Variants in CHN2 observed in about 807,000 individuals in gnomAD.
The protein encoded by CHN2 is chimerin 2, also known as beta-chimaerin.
In CHN2, 35 loss-of-function variants were observed where a neutral mutation model predicts 56.3. The observed-to-expected ratio is 0.62, with a 90% CI of 0.47 to 0.82. CHN2 has a LOEUF of 0.82. Among genes scored for constraint, CHN2 ranks in the 40% least tolerant of loss-of-function variants. The pLI is 0.00. For missense variants in CHN2, 491 were observed against 580.5 expected (o/e 0.85, Z 1.58); for synonymous variants, 210 against 212.8 (o/e 0.99, Z 0.12).
intron 4 of CHN2, chr7:29,398,067 G>C (rs968443185): frequency 4.4e-6 from 1 of 228,216 alleles, no homozygotes; most frequent in South Asian, 1.3e-4. Flanking sequence ...AAGGGGGGGG[G>C]GGGGCGGTGG....
chr7:29,342,736 T>A (rs1443522237), intron 1 of CHN2, among the ~76,000 whole-genome samples: 2 of 152,186 alleles, frequency 1.3e-5, no homozygotes, highest in Non-Finnish European at 2.9e-5. Context: ...AAAATAATCT[T>A]CTCCCTCCAT....
At chr7:29,173,711 G>T (rs1796900979) in intron 2 of CHN2, among the ~76,000 whole-genome samples, 1 of 151,650 alleles carries the variant, frequency 6.6e-6, no homozygotes, top group Non-Finnish European at 1.5e-5. Context: ...GGCAGGCTGA[G>T]GCGGGCAGAT....
chr7:29,487,902 G>A (rs1788219032), intron 7 of CHN2, among the ~76,000 whole-genome samples: 1 of 152,222 alleles, frequency 6.6e-6, no homozygotes, highest in African/African-American at 2.4e-5. Flanking sequence ...GCAATGGGGA[G>A]CCACTCGAGG....
At chr7:29,313,537 T>A (rs919696486) in intron 1 of CHN2, among the ~76,000 whole-genome samples, 1 of 152,162 alleles carries the variant, frequency 6.6e-6, no homozygotes, top group Non-Finnish European at 1.5e-5. Flanking sequence ...TCTGCTGAGC[T>A]CTCTGTTGCC....
chr7:29,303,447 G>A (rs1016066476), intron 1 of CHN2, among the ~76,000 whole-genome samples: 15 of 152,116 alleles, frequency 9.9e-5, no homozygotes, highest in Admixed American at 3.9e-4. Context: ...TGTCCTCCCC[G>A]CCTCTACCAG....
chr7:29,420,889 A>T (rs531542237), intron 6 of CHN2, among the ~76,000 whole-genome samples: 1 of 151,066 alleles, frequency 6.6e-6, no homozygotes, highest in South Asian at 2.1e-4. Flanking sequence ...GGCTCACTGC[A>T]ACCCCTGCCC....
intron 2 of CHN2, among the ~76,000 whole-genome samples, chr7:29,161,763 A>C (rs1795206136): frequency 6.6e-6 from 1 of 152,216 alleles, no homozygotes; most frequent in African/African-American, 2.4e-5. Flanking sequence ...ACTGGAAGAA[A>C]ATATTTGCAA....
At chr7:29,181,357 A>G (rs1223999790) in intron 2 of CHN2, 1 of 152,220 alleles carries the variant, frequency 6.6e-6, no homozygotes, top group Non-Finnish European at 1.5e-5. Context: ...GGTGGCTCCT[A>G]GGGTTGTGCA....
intron 2 of CHN2, among the ~76,000 whole-genome samples, chr7:29,356,897 C>T (rs1212338371): frequency 6.6e-6 from 1 of 152,210 alleles, no homozygotes; most frequent in Non-Finnish European, 1.5e-5. Context: ...TGTTCCATGA[C>T]TTACTGTGCT....
chr7:29,221,788 A>T (rs1785818038), intron 1 of CHN2, among the ~76,000 whole-genome samples: 1 of 152,150 alleles, frequency 6.6e-6, no homozygotes, highest in African/African-American at 2.4e-5. Context: ...AGAGGACATG[A>T]TCTCATTCCT....
At chr7:29,219,793 T>C (rs1785624352) in intron 1 of CHN2, among the ~76,000 whole-genome samples, 1 of 152,136 alleles carries the variant, frequency 6.6e-6, no homozygotes, top group South Asian at 2.1e-4. Flanking sequence ...TAAAAGGAAG[T>C]TGGCTGGGCG....
intron 11 of CHN2, 77 bp downstream of exon 11, chr7:29,507,442 T>A: frequency 9.2e-7 from 1 of 1,088,720 alleles, no homozygotes; most frequent in African/African-American, 1.6e-5. Context: ...TAATTAAAAC[T>A]CAGAACTGTT....
chr7:29,252,875 G>A lies in CHN2; in HGVS notation c.49+57885G>A, dbSNP rs1034430145. ...CTCCCAAAGTGCTGGGATTACAGGC[G>A]TGAGCCACCGCGCCCGGCCCTCTAA... On this transcript the variant is annotated intron_variant, in intron 1 of 12. Coordinates refer to ENST00000222792, the MANE Select transcript of CHN2 (RefSeq NM_004067.4). Among the ~76,000 whole-genome samples, 22 of 117,800 alleles carry A rather than the reference G, an allele frequency of 1.9e-4. 2 individuals are homozygous for A. The highest frequency in any genetic ancestry group is 3.2e-4 in the African/African-American group (5 of 15,592). The allele number at this position is 117,800 out of a possible 152,430, so 77.3% of individuals were successfully genotyped here.
chr7:29,362,303 C>T, intron 2 of CHN2, among the ~76,000 whole-genome samples: 1 of 152,190 alleles, frequency 6.6e-6, no homozygotes, highest in Middle Eastern at 3.2e-3. Flanking sequence ...TCAAAGCTGG[C>T]AGGCAACCCC....
chr7:29,358,187 T>A (rs1280650087), intron 2 of CHN2, among the ~76,000 whole-genome samples: 2 of 152,202 alleles, frequency 1.3e-5, no homozygotes, highest in Non-Finnish European at 2.9e-5. Context: ...TTATTTAATG[T>A]CAGATTCTTG....
At chr7:29,416,639 G>A (rs752427346) in intron 6 of CHN2, among the ~76,000 whole-genome samples, 39 of 152,298 alleles carry the variant, frequency 2.6e-4, no homozygotes, top group Admixed American at 1.1e-3. Context: ...TTGCTGGTCC[G>A]GGAACCACAG....
At chr7:29,333,338 C>T (rs1038430671) in intron 1 of CHN2, among the ~76,000 whole-genome samples, 5 of 152,104 alleles carry the variant, frequency 3.3e-5, no homozygotes, top group Non-Finnish European at 7.3e-5. Context: ...AGCTTCATGC[C>T]GGGGCTGCTG....
chr7:29,348,549 C>T (rs947543731), intron 1 of CHN2, among the ~76,000 whole-genome samples: 4 of 152,106 alleles, frequency 2.6e-5, no homozygotes, highest in Middle Eastern at 3.2e-3. Flanking sequence ...TAGAATTACT[C>T]GTTGATATTT....
chr7:29,332,819 AT>A (rs1436560280), intron 1 of CHN2: 2 of 151,908 alleles, frequency 1.3e-5, no homozygotes, highest in Non-Finnish European at 2.9e-5. Flanking sequence ...GGTTTACTAA[AT>A]GCATTTTTGA....
Sources: gnomAD v4.1 joint callset for allele counts (sites outside exome capture counted in the v4.1 genomes callset) on GRCh38, gnomAD v4.1.1 for gene constraint, MANE v1.5 for transcripts, NCBI Gene and HGNC (gene_info 2026-07-23, HGNC 2026-07-21) for gene names.